The following RBFOX1 variants were observed in gnomAD, a reference collection of about 807,000 sequenced individuals.
RBFOX1 encodes the protein RNA binding fox-1 homolog 1, also known as RNA binding protein fox-1 homolog 1.
RBFOX1 carries 8 observed loss-of-function variants against 57.7 expected under a neutral mutation model. The observed-to-expected ratio is 0.14, with a 90% CI of 0.08 to 0.25. The LOEUF is 0.25. RBFOX1 is among the 10% of genes least tolerant of loss of function. The pLI is 1.00. For synonymous variants in RBFOX1, 326 were observed against 222.4 expected (o/e 1.47, Z -4.15); for missense variants, 611 against 548.5 (o/e 1.11, Z -1.14).
intron 1 of RBFOX1, among the ~76,000 whole-genome samples, chr16:5,428,697 G>A (rs1443581675): frequency 6.6e-6 from 1 of 152,118 alleles, no homozygotes; most frequent in Admixed American, 6.6e-5. Flanking sequence ...GGACATCTGG[G>A]GGAAAGTGTA....
At chr16:6,460,771 A>C (rs1311490096) in intron 2 of RBFOX1, among the ~76,000 whole-genome samples, 1 of 151,368 alleles carries the variant, frequency 6.6e-6, no homozygotes, top group Non-Finnish European at 1.5e-5. Context: ...AATATAAATC[A>C]TTCTATTATA....
intron 4 of RBFOX1, among the ~76,000 whole-genome samples, chr16:7,496,592 A>G (rs2881523): frequency 0.76 from 114,652 of 151,818 alleles, 43,384 homozygotes; most frequent in South Asian, 0.82. Context: ...TGTACCCCCA[A>G]AGTGTGTGTT....
At chr16:6,813,768 C>T (rs149974404) in intron 3 of RBFOX1, among the ~76,000 whole-genome samples, 79 of 152,328 alleles carry the variant, frequency 5.2e-4, no homozygotes, top group African/African-American at 1.8e-3. Flanking sequence ...ATGCCAATGG[C>T]AGCAGGCACC....
chr16:6,258,146 A>C (rs1301589331), intron 1 of RBFOX1, among the ~76,000 whole-genome samples: 1 of 152,124 alleles, frequency 6.6e-6, no homozygotes, highest in Non-Finnish European at 1.5e-5. Flanking sequence ...TATTTTTAAA[A>C]CTCCTTACAA....
At chr16:7,395,876 G>T (rs2098131357) in intron 4 of RBFOX1, among the ~76,000 whole-genome samples, 1 of 152,130 alleles carries the variant, frequency 6.6e-6, no homozygotes, top group South Asian at 2.1e-4. Context: ...GACTGGCATG[G>T]TTACATAAAT....
intron 1 of RBFOX1, among the ~76,000 whole-genome samples, chr16:5,466,010 G>C (rs948428619): frequency 1.3e-5 from 2 of 152,190 alleles, no homozygotes; most frequent in African/African-American, 4.8e-5. Flanking sequence ...AATTTCCTTG[G>C]CTGGGCAGGA....
intron 3 of RBFOX1, among the ~76,000 whole-genome samples, chr16:5,701,761 T>C (rs1220450687): frequency 6.6e-6 from 1 of 152,202 alleles, no homozygotes; most frequent in Non-Finnish European, 1.5e-5. Context: ...ATGACCATCT[T>C]ACCAGAGGCA....
chr16:5,338,482 C>T (rs982383792), intron 1 of RBFOX1, among the ~76,000 whole-genome samples: 14 of 152,150 alleles, frequency 9.2e-5, no homozygotes, highest in African/African-American at 3.4e-4. Context: ...GAAACTAGGG[C>T]CGTCTGAAGA....
intron 3 of RBFOX1, among the ~76,000 whole-genome samples, chr16:6,883,121 C>G (rs1213875339): frequency 6.6e-6 from 1 of 152,122 alleles, no homozygotes; most frequent in East Asian, 1.9e-4. Flanking sequence ...CAGTATATAT[C>G]AAGCAGATCA....
At chr16:5,267,690 C>A (rs2062895506) in intron 1 of RBFOX1, among the ~76,000 whole-genome samples, 1 of 152,196 alleles carries the variant, frequency 6.6e-6, no homozygotes, top group Non-Finnish European at 1.5e-5. Flanking sequence ...TTTCTGGAAT[C>A]TTCTCTACTT....
chr16:6,882,635 A>C (rs2063185416), intron 3 of RBFOX1, among the ~76,000 whole-genome samples: 1 of 152,172 alleles, frequency 6.6e-6, no homozygotes, highest in South Asian at 2.1e-4. Flanking sequence ...ATGTTTGCAG[A>C]GTCCTCAGTG....
rs545022639 is a variant in RBFOX1, at chr16:6,785,202, C to T, written c.-16+130552C>T. ...GGTCTGCTCTGGAGAAAAAAAATGA[C>T]AAAGGAGAGAATTTGAGGGAATCTC... On this transcript the variant is annotated intron_variant, in intron 3 of 15. Transcript: ENST00000550418. Among the ~76,000 whole-genome samples, 104 of 152,066 alleles carry T rather than the reference C, an allele frequency of 6.8e-4. 1 individual carries two copies. Among genetic ancestry groups the T allele is most frequent in the South Asian group, 2.3e-3 (11 of 4,818 alleles).
At chr16:7,702,864 G>C (rs2081219196) in intron 14 of RBFOX1, among the ~76,000 whole-genome samples, 1 of 152,182 alleles carries the variant, frequency 6.6e-6, no homozygotes, top group Non-Finnish European at 1.5e-5. Flanking sequence ...ATTTGGAAAA[G>C]TCCTCAAACC....
chr16:6,125,146 G>C (rs1249627527), intron 1 of RBFOX1, among the ~76,000 whole-genome samples: 1 of 152,204 alleles, frequency 6.6e-6, no homozygotes, highest in Non-Finnish European at 1.5e-5. Context: ...CATACTGTAA[G>C]GGACATTGTG....
chr16:7,122,411 A>G (rs1167337207), intron 4 of RBFOX1, among the ~76,000 whole-genome samples: 8 of 152,156 alleles, frequency 5.3e-5, no homozygotes, highest in Non-Finnish European at 5.9e-5. Flanking sequence ...GGGGAAAAGA[A>G]GAGAAGAGGA....
intron 1 of RBFOX1, among the ~76,000 whole-genome samples, chr16:6,116,635 A>G (rs1354864746): frequency 2.0e-5 from 3 of 152,224 alleles, no homozygotes; most frequent in African/African-American, 2.4e-5. Context: ...GCTAGCTTGT[A>G]TAAATGCTAG....
chr16:6,847,197 G>C (rs1245181061), intron 3 of RBFOX1, among the ~76,000 whole-genome samples: 1 of 152,068 alleles, frequency 6.6e-6, no homozygotes, highest in African/African-American at 2.4e-5. Flanking sequence ...ACTTAATATT[G>C]GTCATTTAAT....
chr16:6,086,218 A>G (rs9934817), intron 1 of RBFOX1, among the ~76,000 whole-genome samples: 6,061 of 152,236 alleles, frequency 0.04, 216 homozygotes, highest in African/African-American at 0.091. Context: ...GTAATAGACA[A>G]GCACATGCAT....
intron 3 of RBFOX1, among the ~76,000 whole-genome samples, chr16:5,859,548 G>T (rs1350793625): frequency 6.6e-6 from 1 of 152,132 alleles, no homozygotes; most frequent in Non-Finnish European, 1.5e-5. Context: ...TCAAGTTGAA[G>T]GTTCTGAAAA....
Sources: allele counts gnomAD v4.1 joint callset (sites outside exome capture counted in the v4.1 genomes callset), GRCh38; gene constraint gnomAD v4.1.1; transcripts MANE v1.5; gene names NCBI Gene and HGNC (gene_info 2026-07-23, HGNC 2026-07-21).